Variants in COL14A1 observed in about 807,000 individuals in gnomAD.
COL14A1 encodes the protein collagen type XIV alpha 1 chain.
A neutral mutation model predicts 230.3 loss-of-function variants in COL14A1; 136 were observed. That is an observed-to-expected ratio of 0.59 (90% CI 0.51 to 0.68). The LOEUF (loss-of-function observed/expected upper bound fraction) is 0.68, where lower values mean the gene tolerates loss of function less well. Among genes scored for constraint, COL14A1 ranks in the 30% least tolerant of loss-of-function variants. The pLI is 0.00. For missense variants in COL14A1, 1,976 were observed against 2,215.8 expected, an observed-to-expected ratio of 0.89 and a Z score of 2.17; for synonymous variants, 792 against 784.1, an observed-to-expected ratio of 1.01 and a Z score of -0.17.
intron 36 of COL14A1, among the ~76,000 whole-genome samples, chr8:120,302,395 T>TC: frequency 6.6e-6 from 1 of 152,340 alleles, no homozygotes; most frequent in Non-Finnish European, 1.5e-5. Context: ...AAGTCTTTAG[T>TC]CCATCTTGAG....
intron 36 of COL14A1, among the ~76,000 whole-genome samples, chr8:120,302,613 A>G (rs1009877474): frequency 6.6e-6 from 1 of 152,082 alleles, no homozygotes; most frequent in African/African-American, 2.4e-5. Flanking sequence ...CTGTTTTTGT[A>G]CCAGTACCAT....
At chr8:120,341,128 G>T (rs1007995185) in intron 42 of COL14A1, among the ~76,000 whole-genome samples, 197 bp from the exon 43 acceptor site, 3 of 152,186 alleles carry the variant, frequency 2.0e-5, no homozygotes, top group Admixed American at 2.0e-4. Context: ...AGCTGAAAGG[G>T]TAGAATGCTT....
At chr8:120,143,171 T>C (rs1365112277) in intron 1 of COL14A1, among the ~76,000 whole-genome samples, 1 of 152,218 alleles carries the variant, frequency 6.6e-6, no homozygotes, top group Non-Finnish European at 1.5e-5. Flanking sequence ...CAAACAGGAT[T>C]GTTTGAAAAT....
chr8:120,314,068 C>G (rs1434653717), intron 38 of COL14A1, 41 bp downstream of exon 38: 2 of 1,392,424 alleles, frequency 1.4e-6, no homozygotes, highest in South Asian at 1.3e-5. Context: ...TTATTGTTAT[C>G]TCTTTTCCAT....
intron 14 of COL14A1, among the ~76,000 whole-genome samples, chr8:120,222,499 A>C (rs942554963): frequency 6.6e-6 from 1 of 152,092 alleles, no homozygotes; most frequent in Non-Finnish European, 1.5e-5. Context: ...CTTCATATCC[A>C]TGTGTGACCC....
In COL14A1 at chr8:120,243,998, T is replaced by C. The variant is rs1818691676; in HGVS notation, c.2469T>C (p.Pro823=). 1 of 1,610,808 alleles carries C rather than the reference T, an allele frequency of 6.2e-7. No individual in the cohort carries two copies. Among genetic ancestry groups the C allele is most frequent in the African/African-American group, 1.3e-5 (1 of 74,840 alleles). ...TDGEGVSVSA[P]GKTLPSSGPQ... ...GCGAAGGCGTCAGCGTCTCCGCTCC[T>C]GGAAAAACCTGTAAGTGAAGCTTTC... Residue 823 remains proline, a synonymous_variant, in exon 20 of 48, where the codon CCT becomes CCC. Coordinates refer to ENST00000297848, the MANE Select transcript of COL14A1 (RefSeq NM_021110.4).
chr8:120,288,896 T>C (rs955989207), intron 33 of COL14A1, among the ~76,000 whole-genome samples: 1 of 152,158 alleles, frequency 6.6e-6, no homozygotes, highest in African/African-American at 2.4e-5. Flanking sequence ...GCACTGAAAT[T>C]TTATGGCAGA....
chr8:120,261,662 A>G (rs548183281), intron 23 of COL14A1, among the ~76,000 whole-genome samples: 4 of 152,278 alleles, frequency 2.6e-5, no homozygotes, highest in African/African-American at 9.6e-5. Context: ...TGGTGGAGAA[A>G]AAGACAGAGA....
intron 1 of COL14A1, among the ~76,000 whole-genome samples, chr8:120,137,216 A>G (rs1273967294): frequency 2.0e-5 from 3 of 152,068 alleles, no homozygotes; most frequent in Non-Finnish European, 4.4e-5. Flanking sequence ...TCAATAGTTT[A>G]TTTCCAAGTA....
chr8:120,351,320 T>G (rs1272166448), intron 45 of COL14A1, among the ~76,000 whole-genome samples: 1 of 136,330 alleles, frequency 7.3e-6, no homozygotes, highest in Admixed American at 7.4e-5. Flanking sequence ...ACATCACAAT[T>G]AAAAGAACTA....
rs757169113 is a variant in COL14A1 at position 120,332,660 on chromosome 8, C to A, written c.4714-4C>A. On this transcript the variant is annotated splice_region_variant and splice_polypyrimidine_tract_variant and intron_variant, in intron 41 of 47. Coordinates refer to ENST00000297848, the MANE Select transcript of COL14A1 (RefSeq NM_021110.4). ...TTTGTTCCATTTTCCTACCTCTCTTCTAGGGCATTCCTGGCACCCCTGGAG... is the reference window on the plus strand; with the variant it reads ...TTTGTTCCATTTTCCTACCTCTCTTATAGGGCATTCCTGGCACCCCTGGAG... 1.2e-6 allele frequency: 2 copies of A among 1,612,428 alleles called. No individual in the cohort carries two copies. The highest frequency in any genetic ancestry group is 1.7e-6 in the Non-Finnish European group (2 of 1,179,122).
At position 120,317,227 on chromosome 8, in the gene COL14A1, C is replaced by A. The variant is rs16893910; in HGVS notation, c.4659+1230C>A. ...GGTTAGCAAACAATTGACTTGAGCA[C>A]CCACTTCTCTACTCAAACAAGGCTT... On this transcript the variant is annotated intron_variant, in intron 40 of 47. Coordinates refer to ENST00000297848, the MANE Select transcript of COL14A1 (RefSeq NM_021110.4). Among the ~76,000 whole-genome samples, 978 of 152,280 alleles carry A rather than the reference C, an allele frequency of 6.4e-3. 9 individuals are homozygous for A. Among genetic ancestry groups the A allele is most frequent in the African/African-American group, 0.022 (902 of 41,564 alleles).
intron 24 of COL14A1, 97 bp downstream of exon 24, chr8:120,263,111 T>G: frequency 2.3e-6 from 3 of 1,310,196 alleles, no homozygotes; most frequent in Non-Finnish European, 3.1e-6. Context: ...ATATTAGCTA[T>G]TGCTGTTCAG....
At chr8:120,257,485 A>G (rs1355974646) in intron 23 of COL14A1, among the ~76,000 whole-genome samples, 1 of 152,156 alleles carries the variant, frequency 6.6e-6, no homozygotes, top group Non-Finnish European at 1.5e-5. Flanking sequence ...ATGTGTTTGG[A>G]TAGTTTAACT....
At chr8:120,199,376 G>A in intron 7 of COL14A1, 26 bp from the exon 8 acceptor site, 1 of 1,546,082 alleles carries the variant, frequency 6.5e-7, no homozygotes, top group South Asian at 1.3e-5. Context: ...GATAGCTGGT[G>A]TTTACTTTTC....
chr8:120,209,978 T>C, intron 12 of COL14A1, 77 bp downstream of exon 12: 1 of 1,181,392 alleles, frequency 8.5e-7, no homozygotes. Flanking sequence ...TGTAAAAATT[T>C]AATGTAGAAA....
chr8:120,338,133 C>T (rs931055309), intron 42 of COL14A1, among the ~76,000 whole-genome samples: 6 of 150,524 alleles, frequency 4.0e-5, no homozygotes, highest in Non-Finnish European at 5.9e-5. Flanking sequence ...GCAAGAATAG[C>T]AAGAAAACTG....
chr8:120,203,580 A>G, intron 8 of COL14A1, 129 bp from the exon 9 acceptor site: 5 of 597,854 alleles, frequency 8.4e-6, no homozygotes, highest in Non-Finnish European at 1.4e-5. Flanking sequence ...TTAAATATAT[A>G]TATACAAGTA....
intron 24 of COL14A1, among the ~76,000 whole-genome samples, chr8:120,265,561 T>A (rs1234605741): frequency 6.6e-6 from 1 of 151,802 alleles, no homozygotes; most frequent in Non-Finnish European, 1.5e-5. Context: ...TTCAGAAATA[T>A]TTCCTTTTCA....
Sources: allele counts gnomAD v4.1 joint callset (sites outside exome capture counted in the v4.1 genomes callset), GRCh38; gene constraint gnomAD v4.1.1; transcripts MANE v1.5; gene names NCBI Gene and HGNC (gene_info 2026-07-23, HGNC 2026-07-21).